SPATA6: variants seen among roughly 807,000 people sequenced by gnomAD.
SPATA6 encodes the protein spermatogenesis associated 6.
A neutral mutation model predicts 65.3 loss-of-function variants in SPATA6; 56 were observed. That is an observed-to-expected ratio of 0.86 (90% confidence interval 0.69 to 1.07). The LOEUF (loss-of-function observed/expected upper bound fraction) is 1.07, where lower values mean the gene tolerates loss of function less well. SPATA6 is among the 50% of genes least tolerant of loss of function. SPATA6 has a pLI of 0.00. For synonymous variants in SPATA6, 199 were observed against 213.2 expected, an observed-to-expected ratio of 0.93 and a Z score of 0.58; for missense variants, 590 against 594.8, an observed-to-expected ratio of 0.99 and a Z score of 0.08.
intron 1 of SPATA6, among the ~76,000 whole-genome samples, chr1:48,462,771 T>C (rs1397838112): frequency 6.6e-6 from 1 of 152,182 alleles, no homozygotes; most frequent in Non-Finnish European, 1.5e-5. Context: ...GCTATGATGG[T>C]TAATTTTATG....
chr1:48,278,683 G>A, the SPATA6 span, among the ~76,000 whole-genome samples: 159 of 152,324 alleles, frequency 1.0e-3, no homozygotes, highest in African/African-American at 3.7e-3. Flanking sequence ...GGGACTATGT[G>A]AAAAGACCGA....
chr1:48,446,084 G>T (rs1407387684), intron 3 of SPATA6, among the ~76,000 whole-genome samples: 1 of 152,150 alleles, frequency 6.6e-6, no homozygotes, highest in Non-Finnish European at 1.5e-5. Context: ...TGTCAAGGAA[G>T]ATGTAAAAAG....
At chr1:48,394,083 A>G (rs930261398) in intron 8 of SPATA6, among the ~76,000 whole-genome samples, 1 of 152,136 alleles carries the variant, frequency 6.6e-6, no homozygotes, top group Non-Finnish European at 1.5e-5. Flanking sequence ...GAAAAAGCAA[A>G]TATTATTGTT....
intron 5 of SPATA6, among the ~76,000 whole-genome samples, 200 bp downstream of exon 5, chr1:48,411,264 C>T (rs1652199226): frequency 6.6e-6 from 1 of 152,098 alleles, no homozygotes; most frequent in Non-Finnish European, 1.5e-5. Context: ...TCTGTTTTTA[C>T]ATTGCTGTAA....
chr1:48,353,959 T>C (rs975611430), intron 11 of SPATA6, among the ~76,000 whole-genome samples: 1 of 150,470 alleles, frequency 6.6e-6, no homozygotes, highest in Non-Finnish European at 1.5e-5. Context: ...AGGCACAGAG[T>C]GGAAAAAAAA....
Position 48,428,775 on chromosome 1 carries a change from A to ATGTG in SPATA6, c.239-15628_239-15625dup, listed in dbSNP as rs59651745. Among the ~76,000 whole-genome samples the ATGTG allele has an allele frequency of 6.8e-3, 909 of 133,544 alleles. 10 individuals carry two copies. Among genetic ancestry groups the ATGTG allele is most frequent in the East Asian group, 0.03 (139 of 4,564 alleles). The allele number at this position is 133,544 out of a possible 152,430, so 87.6% of individuals were successfully genotyped here. A position where few individuals can be genotyped will look rare whatever the true frequency, so the allele number is the denominator to read the frequency against. On this transcript the variant is annotated intron_variant, in intron 3 of 12. Transcript: ENST00000371847. ...CACGGTCAACTGTATAGGTGTATAT[A>ATGTG]TGTGTGTGTGTGTGTGTGTGTGTGT...
At position 48,296,415 on chromosome 1, in the gene SPATA6, C is replaced by A. The variant is rs1471993491; in HGVS notation, c.*2298G>T. The stretch of plus-strand genomic sequence containing the variant: ...ACACTAAATTTAATCCATAGGAAAA[C>A]ATCTTTCAGAGTATTAGTTTCTAAA... On this transcript the variant is annotated 3_prime_UTR_variant, in exon 13 of 13. Coordinates refer to ENST00000371847, the MANE Select transcript of SPATA6 (RefSeq NM_019073.4). 6.6e-6 allele frequency: 1 copy of A among 152,150 alleles called. No individual in the cohort carries two copies. Among genetic ancestry groups the A allele is most frequent in the Non-Finnish European group, 1.5e-5 (1 of 68,008 alleles). 9.4% of individuals were successfully genotyped at this position (152,150 alleles called of 1,614,324 possible).
rs151300766 is a variant in SPATA6 at position 48,392,999 on chromosome 1, G to C, written c.868+2268C>G. On this transcript the variant is annotated intron_variant, in intron 8 of 12. Coordinates refer to ENST00000371847, the MANE Select transcript of SPATA6 (RefSeq NM_019073.4). ...AGCTCTAGAAATCCAGTTATTAAAT[G>C]TACAAAGAAGAATAGAATTTTTAAA... 1.4e-3 allele frequency among the ~76,000 whole-genome samples: 207 copies of C among 152,072 alleles called. 8 individuals are homozygous for C. The East Asian group carries it at 0.038, about 28-fold the overall frequency.
the SPATA6 span, among the ~76,000 whole-genome samples, chr1:48,279,088 A>T: frequency 6.6e-6 from 1 of 152,314 alleles, no homozygotes; most frequent in East Asian, 1.9e-4. Context: ...ACTAAGCTTC[A>T]TAAGTGAAGG....
rs1644817299 is a variant in SPATA6 at position 48,296,639 on chromosome 1, C to G, written c.*2074G>C. 1.3e-5 allele frequency: 2 copies of G among 152,096 alleles called. No homozygotes were observed. The highest frequency in any genetic ancestry group is 1.3e-4 in the Admixed American group (2 of 15,256). 9.4% of individuals were successfully genotyped at this position (152,096 alleles called of 1,614,324 possible). On this transcript the variant is annotated 3_prime_UTR_variant, in exon 13 of 13. Coordinates refer to ENST00000371847, the MANE Select transcript of SPATA6 (RefSeq NM_019073.4). ...TCACTTATTTTTCCATGGAAAAACACTGAGGATATAATTTTTTTAAAAGAG... is the reference window on the plus strand; with the variant it reads ...TCACTTATTTTTCCATGGAAAAACAGTGAGGATATAATTTTTTTAAAAGAG...
At chr1:48,268,302 A>ATG in the SPATA6 span, among the ~76,000 whole-genome samples, 1 of 99,100 alleles carries the variant, frequency 1.0e-5, no homozygotes, top group African/African-American at 3.6e-5. Context: ...AAAAATAAAA[A>ATG]TATGTGTGTG....
At chr1:48,406,598 T>G (rs1651731164) in intron 5 of SPATA6, among the ~76,000 whole-genome samples, 1 of 152,208 alleles carries the variant, frequency 6.6e-6, no homozygotes, top group African/African-American at 2.4e-5. Context: ...TGTTAAGAGT[T>G]AAATTCAAAG....
intron 7 of SPATA6, among the ~76,000 whole-genome samples, chr1:48,398,067 T>G (rs2147923964): frequency 6.6e-6 from 1 of 151,680 alleles, no homozygotes; most frequent in Admixed American, 6.6e-5. Context: ...TTTGTAATTG[T>G]GGGAAGACTT....
At chr1:48,466,216 TAA>T (rs1657796860) in intron 1 of SPATA6, among the ~76,000 whole-genome samples, 1 of 152,070 alleles carries the variant, frequency 6.6e-6, no homozygotes, top group African/African-American at 2.4e-5. Context: ...AAAAGTCCAT[TAA>T]GAGAGGAACA....
chr1:48,428,075 A>G (rs1654006325), intron 3 of SPATA6, among the ~76,000 whole-genome samples: 1 of 152,168 alleles, frequency 6.6e-6, no homozygotes, highest in African/African-American at 2.4e-5. Flanking sequence ...TCTTTCTTGT[A>G]GCTCCATGCA....
intron 11 of SPATA6, among the ~76,000 whole-genome samples, chr1:48,317,690 C>T (rs575940954): frequency 6.6e-6 from 1 of 151,856 alleles, no homozygotes; most frequent in East Asian, 1.9e-4. Context: ...AAATAAAAAA[C>T]TTAACACAAA....
At chr1:48,348,238 G>T (rs938218767) in intron 11 of SPATA6, among the ~76,000 whole-genome samples, 4 of 151,812 alleles carry the variant, frequency 2.6e-5, no homozygotes, top group Non-Finnish European at 5.9e-5. Context: ...TCACCCAAGG[G>T]GACAGAAAGC....
chr1:48,269,063 C>T, the SPATA6 span, among the ~76,000 whole-genome samples: 1 of 152,130 alleles, frequency 6.6e-6, no homozygotes, highest in Non-Finnish European at 1.5e-5. Flanking sequence ...TTTTTATTAT[C>T]TCACACAGCC....
Position 48,433,489 on chromosome 1 carries a change from T to C in SPATA6, c.238+18063A>G, listed in dbSNP as rs3767622. Among the ~76,000 whole-genome samples, 2,994 of 152,278 alleles carry C rather than the reference T, an allele frequency of 0.02. 121 individuals are homozygous for C. In the East Asian group the frequency reaches 0.2, roughly 10 times the overall value. On this transcript the variant is annotated intron_variant, in intron 3 of 12. Coordinates refer to ENST00000371847, the MANE Select transcript of SPATA6 (RefSeq NM_019073.4). Reference sequence around the variant, plus strand: ...AAAAATAATTTTCCTTCTTCTTCTGTAAAACTTCTCATTTTCACATGTACT... The same window carrying C: ...AAAAATAATTTTCCTTCTTCTTCTGCAAAACTTCTCATTTTCACATGTACT...
Sources: gnomAD v4.1 joint callset for allele counts (sites outside exome capture counted in the v4.1 genomes callset) on GRCh38, gnomAD v4.1.1 for gene constraint, MANE v1.5 for transcripts, NCBI Gene and HGNC (gene_info 2026-07-23, HGNC 2026-07-21) for gene names.